The following MS4A13 variants were observed in gnomAD, a reference collection of about 807,000 sequenced individuals.
The protein encoded by MS4A13 is membrane spanning 4-domains A13, also known as membrane-spanning 4-domains subfamily A member 13.
In MS4A13, 21 loss-of-function variants were observed where a neutral mutation model predicts 18.4. The observed-to-expected ratio is 1.14, with a 90% confidence interval of 0.81 to 1.64. MS4A13 has a LOEUF of 1.64. Ranked by LOEUF, MS4A13 falls within the 40% of genes most tolerant of loss-of-function variation. The probability of loss-of-function intolerance (pLI) is 0.00; values close to 1 mark genes in which losing one functional copy is unlikely to be tolerated. For missense variants in MS4A13, 173 were observed against 176.8 expected, an observed-to-expected ratio of 0.98 and a Z score of 0.12; for synonymous variants, 62 against 57.2, an observed-to-expected ratio of 1.08 and a Z score of -0.38.
At chr11:60,527,852 A>G (rs2086731381) in intron 5 of MS4A13, among the ~76,000 whole-genome samples, 2 of 152,146 alleles carry the variant, frequency 1.3e-5, no homozygotes, top group South Asian at 4.1e-4. Context: ...AATTAAATTA[A>G]AAAATTAAAA....
At chr11:60,538,162 A>T (rs2086823636) in intron 6 of MS4A13, among the ~76,000 whole-genome samples, 1 of 148,236 alleles carries the variant, frequency 6.7e-6, no homozygotes, top group Non-Finnish European at 1.5e-5. Flanking sequence ...ATGTACCCTA[A>T]AACTTAAAGT....
intron 6 of MS4A13, among the ~76,000 whole-genome samples, chr11:60,538,117 T>C (rs1314496972): frequency 1.4e-5 from 2 of 147,398 alleles, no homozygotes; most frequent in Admixed American, 6.9e-5. Flanking sequence ...GCATGGCACA[T>C]GTATACATAT....
chr11:60,525,403 G>C, intron 5 of MS4A13, 77 bp downstream of exon 5: 1 of 1,007,308 alleles, frequency 9.9e-7, no homozygotes, highest in Non-Finnish European at 1.4e-6. Context: ...TAGGAGGTAA[G>C]ATGAGGCTTT....
intron 3 of MS4A13, among the ~76,000 whole-genome samples, chr11:60,520,369 C>A (rs1356184926): frequency 2.0e-5 from 3 of 152,160 alleles, no homozygotes; most frequent in Non-Finnish European, 4.4e-5. Flanking sequence ...GTCCACAGTC[C>A]AAAGTCTCAT....
At position 60,516,084 on chromosome 11, in the gene MS4A13, G is replaced by T. The variant is rs1011812250; in HGVS notation, c.-13G>T. ...CTACAGCAGATTCTCTCGTTTTAGG[G>T]GTAAGATTTCACTTTGACTAACTAA... On this transcript the variant is annotated splice_region_variant and 5_prime_UTR_variant, in exon 2 of 7. Transcript: ENST00000378186. The T allele has an allele frequency of 4.6e-5, 7 of 152,002 alleles. No individual in the cohort carries two copies. Among genetic ancestry groups the T allele is most frequent in the African/African-American group, 1.7e-4 (7 of 41,386 alleles). The allele number at this position is 152,002 out of a possible 1,614,324, so 9.4% of individuals were successfully genotyped here.
rs2086868747 is a variant in MS4A13 at position 60,542,526 on chromosome 11, G to A, written c.410G>A (p.Arg137Lys). ...AGGTTACTTTTTTTCCAGTTTCGAA[G>A]ACAAAATGATCTTACATCTGTTACT... ...SIYSCSNLFR[R>K]QNDLTSVTEE... The change falls in exon 7 of 7, where the codon AGA becomes AAA. Residue 137 changes from arginine (R) to lysine (K), a missense_variant. Arg to Lys is a conservative substitution (Grantham distance 26). Transcript: ENST00000378186. 2 of 1,608,972 alleles carry A rather than the reference G, an allele frequency of 1.2e-6. No homozygotes were observed. The highest frequency in any genetic ancestry group is 1.7e-6 in the Non-Finnish European group (2 of 1,177,146).
intron 6 of MS4A13, among the ~76,000 whole-genome samples, chr11:60,542,296 AAGAAAGGG>A (rs1168241917): frequency 6.6e-6 from 1 of 151,662 alleles, no homozygotes; most frequent in Non-Finnish European, 1.5e-5. Flanking sequence ...AGAAAGAAAG[AAGAAAGGG>A]AGGAAGGGAG....
At position 60,521,623 on chromosome 11, in the gene MS4A13, A is replaced by G. The variant is rs557966842; in HGVS notation, c.130-2274A>G. The stretch of plus-strand genomic sequence containing the variant: ...CTGAGACCACCTCAGCCTTGATTTC[A>G]TTTTTCATATCATTATTGGCATTTT... On this transcript the variant is annotated intron_variant, in intron 3 of 6. Transcript: ENST00000378186. Among the ~76,000 whole-genome samples, 15 of 152,180 alleles carry G rather than the reference A, an allele frequency of 9.9e-5. 1 individual carries two copies. In the South Asian group the frequency reaches 2.9e-3, roughly 29 times the overall value.
intron 5 of MS4A13, among the ~76,000 whole-genome samples, chr11:60,526,956 G>C (rs2086717663): frequency 6.6e-6 from 1 of 152,264 alleles, no homozygotes; most frequent in East Asian, 1.9e-4. Context: ...TGAAGAAAAT[G>C]CCTGCTAGTT....
intron 3 of MS4A13, among the ~76,000 whole-genome samples, chr11:60,522,230 A>AGATT (rs1565210894): frequency 2.4e-5 from 3 of 124,842 alleles, no homozygotes; most frequent in Non-Finnish European, 5.3e-5. Flanking sequence ...ATAGATAGAT[A>AGATT]GATAGATAGA....
rs149253727 is a variant in MS4A13, at chr11:60,540,511, T to C, written c.403-2008T>C. Among the ~76,000 whole-genome samples, 265 of 152,340 alleles carry C rather than the reference T, an allele frequency of 1.7e-3. 3 individuals carry two copies. The highest frequency in any genetic ancestry group is 6.1e-3 in the African/African-American group (255 of 41,582). ...TGGGAATAAAGTTGCTGTATTTTAC[T>C]GGAATTGAATTAGCATTCATCTGAA... On this transcript the variant is annotated intron_variant, in intron 6 of 6. Coordinates refer to ENST00000378186, the MANE Select transcript of MS4A13 (RefSeq NM_001012417.3).
chr11:60,522,268 A>C (rs1484533202), intron 3 of MS4A13, among the ~76,000 whole-genome samples: 2 of 145,420 alleles, frequency 1.4e-5, no homozygotes, highest in Non-Finnish European at 1.5e-5. Flanking sequence ...ATACACACAT[A>C]TATATGTATG....
chr11:60,532,081 A>G (rs2086771988), intron 6 of MS4A13, among the ~76,000 whole-genome samples: 2 of 152,264 alleles, frequency 1.3e-5, no homozygotes, highest in Non-Finnish European at 2.9e-5. Context: ...ACAACACTTA[A>G]TAGACATAGC....
At chr11:60,527,359 T>G (rs1482185639) in intron 5 of MS4A13, among the ~76,000 whole-genome samples, 1 of 62,282 alleles carries the variant, frequency 1.6e-5, no homozygotes, top group Non-Finnish European at 3.1e-5. Flanking sequence ...ACTCATTCAT[T>G]CCGTCTCTCT....
intron 5 of MS4A13, among the ~76,000 whole-genome samples, chr11:60,528,615 G>C (rs751307661): frequency 6.6e-6 from 1 of 152,184 alleles, no homozygotes; most frequent in African/African-American, 2.4e-5. Context: ...AGGAGGAAGA[G>C]TTAGAGAAGG....
At chr11:60,517,232 A>G (rs1031124018) in intron 2 of MS4A13, among the ~76,000 whole-genome samples, 2 of 152,158 alleles carry the variant, frequency 1.3e-5, no homozygotes, top group South Asian at 2.1e-4. Context: ...AAGTTAGCCA[A>G]TTGCACTTAT....
At position 60,525,226 on chromosome 11, in the gene MS4A13, TA is replaced by T; in HGVS notation, c.209del (p.Asn70ThrfsTer5). 1 of 1,563,656 alleles carries T rather than the reference TA, an allele frequency of 6.4e-7. No individual in the cohort carries two copies. The highest frequency in any genetic ancestry group is 8.8e-7 in the Non-Finnish European group (1 of 1,136,086). ...TRSGIISTLIINIICIITTIT... is the reference protein window; with the variant it reads ...TRSGIISTLIXNIICIITTIT... ...TTTCAGATTATAAGTACTTTAATCATAAACATCATCTGCATAATTACTACAA... is the reference window on the plus strand; with the variant it reads ...TTTCAGATTATAAGTACTTTAATCATAACATCATCTGCATAATTACTACAA... On this transcript the variant is annotated frameshift_variant, in exon 5 of 7. Coordinates refer to ENST00000378186, the MANE Select transcript of MS4A13 (RefSeq NM_001012417.3). LOFTEE classifies it high-confidence loss of function.
In MS4A13 at chr11:60,525,284, G is replaced by A; in HGVS notation, c.264G>A (p.Leu88=). The A allele has an allele frequency of 6.3e-7, 1 of 1,584,586 alleles. No individual in the cohort carries two copies. The highest frequency in any genetic ancestry group is 8.7e-7 in the Non-Finnish European group (1 of 1,155,870). Residue 88 remains leucine, a synonymous_variant, in exon 5 of 7, where the codon TTG becomes TTA. Coordinates refer to ENST00000378186, the MANE Select transcript of MS4A13 (RefSeq NM_001012417.3). ...ITAVTLTIIE[L]SHFNSVSYRN... is the part of the protein sequence containing the mutation. Reference sequence around the variant, plus strand: ...CAGTAACTCTAACAATAATAGAGTTGTCTCATTTTAATTCTGTGTCATACA... The same window carrying A: ...CAGTAACTCTAACAATAATAGAGTTATCTCATTTTAATTCTGTGTCATACA...
At chr11:60,521,699 T>G (rs1424811462) in intron 3 of MS4A13, among the ~76,000 whole-genome samples, 1 of 152,206 alleles carries the variant, frequency 6.6e-6, no homozygotes, top group Non-Finnish European at 1.5e-5. Context: ...TTCCCACATT[T>G]TCCTGTCTTC....
Sources: gnomAD v4.1 joint callset for allele counts (sites outside exome capture counted in the v4.1 genomes callset) on GRCh38, gnomAD v4.1.1 for gene constraint, MANE v1.5 for transcripts, NCBI Gene and HGNC (gene_info 2026-07-23, HGNC 2026-07-21) for gene names.